The following FAM20A variants were observed in gnomAD, a reference collection of about 807,000 sequenced individuals.
The protein encoded by FAM20A is FAM20A golgi associated secretory pathway pseudokinase, also known as pseudokinase FAM20A.
FAM20A carries 42 observed loss-of-function variants against 52.0 expected under a neutral mutation model. That is an observed-to-expected ratio of 0.81 (90% CI 0.63 to 1.04). The LOEUF is 1.04. Ranked by LOEUF, FAM20A falls within the 50% of genes least tolerant of loss-of-function variation. The probability of loss-of-function intolerance (pLI) is 0.00; values close to 1 mark genes in which losing one functional copy is unlikely to be tolerated. For synonymous variants in FAM20A, 304 were observed against 298.9 expected (o/e 1.02, Z -0.18); for missense variants, 742 against 712.7 (o/e 1.04, Z -0.47).
In FAM20A at chr17:68,600,661, C is replaced by A. The variant is rs1298114769; in HGVS notation, c.6G>T (p.Pro2=). The change falls in exon 1 of 11, where the codon CCG becomes CCT. Residue 2 remains proline (P), a synonymous_variant. Coordinates refer to ENST00000592554, the MANE Select transcript of FAM20A (RefSeq NM_017565.4). This position sits in a 1 kb window ranked among gnomAD's most constrained non-coding sequence, Gnocchi z 6.2. M[P]GLRRDRLLTL... is the part of the protein sequence containing the mutation. ...TCAGTAGGCGGTCCCGGCGCAGCCC[C>A]GGCATGGCGTGCTGGCCAAGGGGGA... is the stretch of plus-strand genomic sequence containing the variant. 2 of 1,544,396 alleles carry A rather than the reference C, an allele frequency of 1.3e-6. No homozygotes were observed. Among genetic ancestry groups the A allele is most frequent in the Non-Finnish European group, 1.7e-6 (2 of 1,151,730 alleles).
intron 1 of FAM20A, among the ~76,000 whole-genome samples, chr17:68,562,619 C>CG (rs372566512): frequency 1.1e-4 from 17 of 151,962 alleles, no homozygotes; most frequent in African/African-American, 3.9e-4. Flanking sequence ...CATCCCCCCC[C>CG]CTTTTTATTT....
intron 1 of FAM20A, among the ~76,000 whole-genome samples, chr17:68,575,509 T>G (rs1464210888): frequency 6.2e-5 from 7 of 112,204 alleles, no homozygotes; most frequent in East Asian, 2.3e-4. Flanking sequence ...TTAGATATTA[T>G]ATATTTTATA....
intron 1 of FAM20A, among the ~76,000 whole-genome samples, chr17:68,557,029 G>C (rs1265343644): frequency 6.6e-6 from 1 of 151,766 alleles, no homozygotes; most frequent in East Asian, 1.9e-4. Flanking sequence ...ATAAAGCCCC[G>C]TCTCTACTAA....
chr17:68,539,777 G>A (rs930223137), intron 9 of FAM20A, 108 bp downstream of exon 9: 2 of 984,496 alleles, frequency 2.0e-6, no homozygotes, highest in Non-Finnish European at 3.2e-6. Flanking sequence ...CAAGGCACGT[G>A]GTGGTGGAGG....
chr17:68,599,932 C>CGGACGAGGGAGCGGGAGT (rs1165379455), intron 1 of FAM20A, among the ~76,000 whole-genome samples: 3 of 152,220 alleles, frequency 2.0e-5, no homozygotes, highest in Non-Finnish European at 2.9e-5. Flanking sequence ...GGTTTGGGAG[C>CGGACGAGGGAGCGGGAGT]GGACGAGGGA....
chr17:68,546,059 C>T (rs2086541955), intron 4 of FAM20A, among the ~76,000 whole-genome samples: 1 of 150,586 alleles, frequency 6.6e-6, no homozygotes, highest in Admixed American at 6.6e-5. Flanking sequence ...GTCCCAGCTA[C>T]TTGGGAGGCT....
At chr17:68,545,043 CA>C (rs2086484621) in intron 4 of FAM20A, among the ~76,000 whole-genome samples, 1 of 151,974 alleles carries the variant, frequency 6.6e-6, no homozygotes, top group African/African-American at 2.4e-5. Context: ...GTATATTTTC[CA>C]AAGTTAAAGT....
At chr17:68,564,018 C>T (rs1441332815) in intron 1 of FAM20A, among the ~76,000 whole-genome samples, 2 of 152,146 alleles carry the variant, frequency 1.3e-5, no homozygotes, top group Non-Finnish European at 2.9e-5. Flanking sequence ...AAGAACTAAT[C>T]GGTAGTGCAG....
At position 68,543,658 on chromosome 17, in the gene FAM20A, A is replaced by G. The variant is rs2086414288; in HGVS notation, c.783T>C (p.Asn261=). ...FFYFIDFQRH[N]AEIAAFHLDR... The stretch of plus-strand genomic sequence containing the variant: ...CCAGATGGAAAGCTGCGATCTCAGC[A>G]TTGTGTCTCTGAAAGTCAATGAAGT... The change falls in exon 5 of 11, where the codon AAT becomes AAC. Residue 261 remains asparagine (N), a synonymous_variant. Coordinates refer to ENST00000592554, the MANE Select transcript of FAM20A (RefSeq NM_017565.4). 2 of 1,614,132 alleles carry G rather than the reference A, an allele frequency of 1.2e-6. No homozygotes were observed. The highest frequency in any genetic ancestry group is 2.7e-5 in the African/African-American group (2 of 75,012).
chr17:68,549,494 C>CAAAA (rs34993560), intron 4 of FAM20A, among the ~76,000 whole-genome samples: 1 of 126,956 alleles, frequency 7.9e-6, no homozygotes, highest in Non-Finnish European at 1.7e-5. Flanking sequence ...AACTCCATCT[C>CAAAA]AAAAAAAAAA....
At chr17:68,576,695 A>C (rs950049711) in intron 1 of FAM20A, among the ~76,000 whole-genome samples, 75 of 152,250 alleles carry the variant, frequency 4.9e-4, no homozygotes, top group Non-Finnish European at 1.5e-4. Context: ...ACCTAGGGAC[A>C]AAACGACTTG....
Position 68,600,168 on chromosome 17 carries a change from G to A in FAM20A, c.404+95C>T. On this transcript the variant is annotated intron_variant, in intron 1 of 10. Coordinates refer to ENST00000592554, the MANE Select transcript of FAM20A (RefSeq NM_017565.4). The surrounding 1 kb of genome is among the most constrained non-coding windows in gnomAD (Gnocchi z 6.2). ...TGGAGCCGTGGGTGGAGCCGCTGCA[G>A]CCCTGGGCCGGGGGCGTCAGGAAAC... 3 of 1,419,900 alleles carry A rather than the reference G, an allele frequency of 2.1e-6. No individual in the cohort carries two copies. The highest frequency in any genetic ancestry group is 9.5e-7 in the Non-Finnish European group (1 of 1,056,888). 88.0% of individuals were successfully genotyped at this position (1,419,900 alleles called of 1,614,324 possible).
intron 4 of FAM20A, among the ~76,000 whole-genome samples, chr17:68,545,721 T>C (rs1394664724): frequency 1.3e-5 from 2 of 152,232 alleles, no homozygotes; most frequent in Admixed American, 1.3e-4. Flanking sequence ...TCTGTCAAAA[T>C]TGAAGTCAGT....
intron 1 of FAM20A, among the ~76,000 whole-genome samples, chr17:68,564,549 T>A (rs2087318672): frequency 6.6e-6 from 1 of 152,220 alleles, no homozygotes. Flanking sequence ...TTGCATGCCT[T>A]GGCATGTGTG....
At chr17:68,573,841 A>AT (rs1430821047) in intron 1 of FAM20A, among the ~76,000 whole-genome samples, 3 of 151,040 alleles carry the variant, frequency 2.0e-5, no homozygotes, top group Non-Finnish European at 4.4e-5. Flanking sequence ...AGCCCAGCTA[A>AT]TTTTTTTGGT....
At chr17:68,575,118 C>A (rs1446361447) in intron 1 of FAM20A, 1 of 151,918 alleles carries the variant, frequency 6.6e-6, no homozygotes, top group African/African-American at 2.4e-5. Flanking sequence ...TGGATTCTCG[C>A]CTAGAGCCTC....
chr17:68,540,400 G>GCT, intron 8 of FAM20A: 1 of 447,600 alleles, frequency 2.2e-6, no homozygotes, highest in South Asian at 1.6e-5. Flanking sequence ...TCCGACCTAA[G>GCT]CTCCTGTATG....
At position 68,600,678 on chromosome 17, in the gene FAM20A, C is replaced by T; in HGVS notation, c.-12G>A. 1 of 1,535,460 alleles carries T rather than the reference C, an allele frequency of 6.5e-7. No homozygotes were observed. The highest frequency in any genetic ancestry group is 8.7e-7 in the Non-Finnish European group (1 of 1,147,392). ...CGCAGCCCCGGCATGGCGTGCTGGC[C>T]AAGGGGGACGCCGGGGGCAGGCCGG... On this transcript the variant is annotated 5_prime_UTR_variant, in exon 1 of 11. Transcript: ENST00000592554. The surrounding 1 kb of genome is among the most constrained non-coding windows in gnomAD (Gnocchi z 6.2).
At chr17:68,538,770 C>T (rs961403671) in intron 10 of FAM20A, among the ~76,000 whole-genome samples, 4 of 152,190 alleles carry the variant, frequency 2.6e-5, no homozygotes, top group East Asian at 3.9e-4. Flanking sequence ...AGTGGGTCAA[C>T]GATTAAAGTT....
Sources: gnomAD v4.1 joint callset for allele counts (sites outside exome capture counted in the v4.1 genomes callset) on GRCh38, gnomAD v4.1.1 for gene constraint, Gnocchi (gnomAD v3.1) non-coding constraint, MANE v1.5 for transcripts, NCBI Gene and HGNC (gene_info 2026-07-23, HGNC 2026-07-21) for gene names.